Variants in PIP4K2A observed in about 807,000 individuals in gnomAD.
PIP4K2A encodes phosphatidylinositol 5-phosphate 4-kinase type-2 alpha.
Under a neutral mutation model 42.9 loss-of-function variants are expected in PIP4K2A, and 14 were observed. That is an observed-to-expected ratio of 0.33 (90% CI 0.22 to 0.51). The LOEUF (loss-of-function observed/expected upper bound fraction) is 0.51, where lower values mean the gene tolerates loss of function less well. Among genes scored for constraint, PIP4K2A ranks in the 20% least tolerant of loss-of-function variants. The probability of loss-of-function intolerance (pLI) is 0.97; values close to 1 mark genes in which losing one functional copy is unlikely to be tolerated. For synonymous variants in PIP4K2A, 192 were observed against 192.2 expected, an observed-to-expected ratio of 1.00 and a Z score of 0.01; for missense variants, 434 against 519.8, an observed-to-expected ratio of 0.83 and a Z score of 1.61.
intron 1 of PIP4K2A, among the ~76,000 whole-genome samples, chr10:22,651,794 A>G (rs1839001950): frequency 6.6e-6 from 1 of 152,240 alleles, no homozygotes; most frequent in South Asian, 2.1e-4. Flanking sequence ...TGCCAAGGAC[A>G]GATGCGTGGG....
chr10:22,655,734 A>T (rs1175668955), intron 1 of PIP4K2A, among the ~76,000 whole-genome samples: 1 of 152,202 alleles, frequency 6.6e-6, no homozygotes, highest in Non-Finnish European at 1.5e-5. Flanking sequence ...GCTAGAAAAC[A>T]TTCCGACATG....
intron 4 of PIP4K2A, among the ~76,000 whole-genome samples, chr10:22,583,203 T>C (rs1382324004): frequency 6.6e-6 from 1 of 152,230 alleles, no homozygotes; most frequent in African/African-American, 2.4e-5. Flanking sequence ...TATGTACAGA[T>C]GCCACTTGTT....
At chr10:22,628,953 C>G (rs1254579974) in intron 1 of PIP4K2A, among the ~76,000 whole-genome samples, 2 of 152,108 alleles carry the variant, frequency 1.3e-5, no homozygotes, top group African/African-American at 4.8e-5. Context: ...CCATCATGGC[C>G]TGAACACGTT....
chr10:22,685,834 G>A (rs1839754155), intron 1 of PIP4K2A, among the ~76,000 whole-genome samples: 1 of 152,198 alleles, frequency 6.6e-6, no homozygotes, highest in Non-Finnish European at 1.5e-5. Context: ...AGCAATGGCA[G>A]GCCATGAGGT....
At chr10:22,696,758 C>G (rs77968520) in intron 1 of PIP4K2A, among the ~76,000 whole-genome samples, 310 of 152,112 alleles carry the variant, frequency 2.0e-3, no homozygotes, top group Middle Eastern at 6.8e-3. Flanking sequence ...TTTTAAAATA[C>G]TAGAACAAGG....
intron 4 of PIP4K2A, among the ~76,000 whole-genome samples, chr10:22,582,715 A>G (rs1588641785): frequency 6.6e-6 from 1 of 152,118 alleles, no homozygotes; most frequent in African/African-American, 2.4e-5. Flanking sequence ...GAAGGGAAGG[A>G]AAAGGAAGGG....
intron 5 of PIP4K2A, among the ~76,000 whole-genome samples, chr10:22,569,644 G>GGT (rs1357226121): frequency 1.3e-5 from 2 of 151,888 alleles, no homozygotes; most frequent in East Asian, 1.9e-4. Context: ...AAGTTCTTGG[G>GGT]GTGTGTGTGT....
At chr10:22,683,289 C>T (rs1412823420) in intron 1 of PIP4K2A, among the ~76,000 whole-genome samples, 2 of 152,050 alleles carry the variant, frequency 1.3e-5, no homozygotes, top group African/African-American at 4.8e-5. Flanking sequence ...TTTGCATTTG[C>T]CGTTTTTCAC....
chr10:22,671,255 A>G (rs1839443497), intron 1 of PIP4K2A, among the ~76,000 whole-genome samples: 1 of 152,226 alleles, frequency 6.6e-6, no homozygotes, highest in Non-Finnish European at 1.5e-5. Flanking sequence ...GCAATAAACC[A>G]TTATAGAAAG....
At position 22,539,920 on chromosome 10, in the gene PIP4K2A, A is replaced by AGAGAGAGAGAGAGAGG. The variant is rs1836057595; in HGVS notation, c.1140+50_1140+51insCCTCTCTCTCTCTCTC. The AGAGAGAGAGAGAGAGG allele has an allele frequency of 4.1e-6, 4 of 970,352 alleles. No homozygotes were observed. The African/African-American group carries it at 5.1e-5, about 12-fold the overall frequency. The allele number at this position is 970,352 out of a possible 1,614,324, so 60.1% of individuals were successfully genotyped here. On this transcript the variant is annotated intron_variant, in intron 9 of 9. Coordinates refer to ENST00000376573, the MANE Select transcript of PIP4K2A (RefSeq NM_005028.5). ...GAGAGAGAGAGAGAGAGGGAGAGAG[A>AGAGAGAGAGAGAGAGG]GAGAGAGAGAGGGAGAGAAAGAGAG...
intron 1 of PIP4K2A, among the ~76,000 whole-genome samples, chr10:22,671,307 A>C (rs1232170714): frequency 6.6e-6 from 1 of 152,226 alleles, no homozygotes. Flanking sequence ...AGTGGGAAGA[A>C]AGACCTGGTA....
chr10:22,627,591 TAAAAAAAAAAAAAAA>T (rs57671642), intron 1 of PIP4K2A, among the ~76,000 whole-genome samples: 3,644 of 56,854 alleles, frequency 0.064, 52 homozygotes, highest in African/African-American at 0.14. Flanking sequence ...TAATATGTAA[TAAAAAAAAAAAAAAA>T]AAAAAAAAAA....
At chr10:22,704,523 G>C (rs1179661100) in intron 1 of PIP4K2A, among the ~76,000 whole-genome samples, 2 of 151,942 alleles carry the variant, frequency 1.3e-5, no homozygotes, top group Non-Finnish European at 2.9e-5. Flanking sequence ...AGGTGTGGTA[G>C]CTCACATGTA....
At chr10:22,571,555 GTGCAT>G (rs1169637183) in intron 5 of PIP4K2A, among the ~76,000 whole-genome samples, 1 of 152,202 alleles carries the variant, frequency 6.6e-6, no homozygotes, top group Non-Finnish European at 1.5e-5. Flanking sequence ...CAAATGGCAA[GTGCAT>G]GCCTTGGCAA....
intron 1 of PIP4K2A, among the ~76,000 whole-genome samples, chr10:22,632,221 A>C (rs979092676): frequency 1.3e-5 from 2 of 152,158 alleles, no homozygotes; most frequent in Non-Finnish European, 2.9e-5. Flanking sequence ...TGAGTGCGGA[A>C]ATGTAAATAA....
Position 22,593,096 on chromosome 10 carries a change from T to C in PIP4K2A, c.340-1315A>G, listed in dbSNP as rs533588421. Among the ~76,000 whole-genome samples the C allele has an allele frequency of 2.0e-5, 3 of 152,296 alleles. No homozygotes were observed. In the South Asian group the frequency reaches 6.2e-4, roughly 32 times the overall value. ...ATCAACAGGACTGAACCACCTGAGG[T>C]AGAATCCATTGCAGCAGTGCAGGGG... On this transcript the variant is annotated intron_variant, in intron 3 of 9. Coordinates refer to ENST00000376573, the MANE Select transcript of PIP4K2A (RefSeq NM_005028.5).
intron 6 of PIP4K2A, among the ~76,000 whole-genome samples, chr10:22,563,519 T>G (rs1228274867): frequency 1.3e-5 from 2 of 152,246 alleles, no homozygotes; most frequent in Non-Finnish European, 2.9e-5. Flanking sequence ...TTCAGCACCA[T>G]ATTTAACTCT....
At chr10:22,609,771 CT>C in intron 1 of PIP4K2A, 54 bp from the exon 2 acceptor site, 2 of 1,084,796 alleles carry the variant, frequency 1.8e-6, no homozygotes, top group South Asian at 2.7e-5. Flanking sequence ...GTGAGGAGGA[CT>C]TGACTTGAAT....
chr10:22,712,929 T>G (rs982437661), intron 1 of PIP4K2A, among the ~76,000 whole-genome samples: 2 of 151,678 alleles, frequency 1.3e-5, no homozygotes, highest in Non-Finnish European at 2.9e-5. Flanking sequence ...TGTGTGTGTG[T>G]GTGTGTGTGT....
Sources: allele counts gnomAD v4.1 joint callset (sites outside exome capture counted in the v4.1 genomes callset), GRCh38; gene constraint gnomAD v4.1.1; transcripts MANE v1.5; gene names NCBI Gene and HGNC (gene_info 2026-07-23, HGNC 2026-07-21).